Variants in ZNF385D observed in about 807,000 individuals in gnomAD.
ZNF385D encodes zinc finger protein 659.
In ZNF385D, 15 loss-of-function variants were observed where a neutral mutation model predicts 35.8. The observed-to-expected ratio is 0.42, with a 90% CI of 0.28 to 0.64. The LOEUF is 0.64. Among genes scored for constraint, ZNF385D ranks in the 30% least tolerant of loss-of-function variants. The pLI is 0.23. For missense variants in ZNF385D, 474 were observed against 494.6 expected, an observed-to-expected ratio of 0.96 and a Z score of 0.39; for synonymous variants, 212 against 186.8, an observed-to-expected ratio of 1.13 and a Z score of -1.10.
chr3:22,365,370 A>G (rs745605209), intron 2 of ZNF385D, among the ~76,000 whole-genome samples: 4 of 152,230 alleles, frequency 2.6e-5, no homozygotes, highest in Admixed American at 6.5e-5. Context: ...AAGAATTCTA[A>G]AAAATGGTTC....
At chr3:21,993,472 G>C (rs1325645713) in intron 3 of ZNF385D, among the ~76,000 whole-genome samples, 1 of 152,082 alleles carries the variant, frequency 6.6e-6, no homozygotes, top group African/African-American at 2.4e-5. Flanking sequence ...GTAGTGAAAA[G>C]TCTCATAAGC....
intron 2 of ZNF385D, among the ~76,000 whole-genome samples, chr3:22,329,096 A>AAG (rs1338405429): frequency 6.6e-6 from 1 of 151,438 alleles, no homozygotes; most frequent in African/African-American, 2.4e-5. Flanking sequence ...AAAAAAAAAA[A>AAG]AGAGTTTATT....
chr3:21,456,447 G>A (rs1415230329), intron 4 of ZNF385D, among the ~76,000 whole-genome samples: 2 of 152,146 alleles, frequency 1.3e-5, no homozygotes, highest in Non-Finnish European at 2.9e-5. Flanking sequence ...GGACATGGAT[G>A]AAGCTGGAAA....
intron 2 of ZNF385D, among the ~76,000 whole-genome samples, chr3:22,273,222 T>C (rs899480127): frequency 2.0e-5 from 3 of 152,004 alleles, no homozygotes; most frequent in African/African-American, 7.2e-5. Context: ...AAAAGCAAAT[T>C]TGTGTTTGGT....
chr3:22,265,706 A>G (rs372554153), intron 2 of ZNF385D, among the ~76,000 whole-genome samples: 4 of 151,950 alleles, frequency 2.6e-5, no homozygotes, highest in Non-Finnish European at 4.4e-5. Flanking sequence ...ACTGGCTTGA[A>G]TATCAACCTT....
rs536601871 is a variant in ZNF385D at position 21,569,402 on chromosome 3, T to G, written c.166-4718A>C. ...ATTGCAACCCCTGCCTTTTTTTGTT[T>G]TCCATTTGCTTGGTAGATCTTCCTC... is the stretch of plus-strand genomic sequence containing the variant. On this transcript the variant is annotated intron_variant, in intron 2 of 7. Transcript: ENST00000281523. Among the ~76,000 whole-genome samples, 1,066 of 150,728 alleles carry G rather than the reference T, an allele frequency of 7.1e-3. 6 individuals carry two copies. Among genetic ancestry groups the G allele is most frequent in the Middle Eastern group, 0.014 (4 of 294 alleles).
At chr3:22,126,347 G>A (rs1703431748) in intron 3 of ZNF385D, among the ~76,000 whole-genome samples, 1 of 138,146 alleles carries the variant, frequency 7.2e-6, no homozygotes, top group Non-Finnish European at 1.5e-5. Flanking sequence ...TTTGGTGTAG[G>A]CACTTGTTGC....
intron 3 of ZNF385D, among the ~76,000 whole-genome samples, chr3:21,930,688 T>C (rs1181701354): frequency 6.6e-6 from 1 of 152,154 alleles, no homozygotes; most frequent in Non-Finnish European, 1.5e-5. Context: ...GGTCAACTGA[T>C]TTTTGACAAT....
chr3:21,863,676 G>T (rs1697179433), intron 3 of ZNF385D, among the ~76,000 whole-genome samples: 1 of 152,134 alleles, frequency 6.6e-6, no homozygotes, highest in South Asian at 2.1e-4. Flanking sequence ...TTATTCTGCA[G>T]TGATATAATT....
intron 1 of ZNF385D, among the ~76,000 whole-genome samples, chr3:21,698,690 G>A (rs1408520449): frequency 5.3e-5 from 8 of 151,822 alleles, no homozygotes; most frequent in African/African-American, 1.5e-4. Context: ...GATATGAACT[G>A]ACACTTCTCA....
chr3:21,847,699 T>G (rs897232257), intron 3 of ZNF385D, among the ~76,000 whole-genome samples: 1 of 152,052 alleles, frequency 6.6e-6, no homozygotes, highest in Non-Finnish European at 1.5e-5. Flanking sequence ...TTTTGGTAAG[T>G]AGAATCATGA....
intron 2 of ZNF385D, among the ~76,000 whole-genome samples, chr3:22,248,294 C>T (rs1215358375): frequency 6.6e-6 from 1 of 152,106 alleles, no homozygotes; most frequent in Non-Finnish European, 1.5e-5. Flanking sequence ...TGGGAGGAAA[C>T]CTTAAATTTT....
intron 1 of ZNF385D, among the ~76,000 whole-genome samples, chr3:21,693,882 C>CTTTT (rs555946193): frequency 1.7e-5 from 2 of 118,372 alleles, no homozygotes; most frequent in African/African-American, 3.1e-5. Context: ...CTTTTTTTTT[C>CTTTT]TTTTTTTTTT....
At chr3:22,222,999 C>G (rs1440145957) in intron 2 of ZNF385D, among the ~76,000 whole-genome samples, 1 of 152,078 alleles carries the variant, frequency 6.6e-6, no homozygotes, top group East Asian at 1.9e-4. Flanking sequence ...TCCAACCATC[C>G]TTTTTCCAAA....
At chr3:21,471,291 TCTCTCACACACA>T (rs1190661494) in intron 4 of ZNF385D, among the ~76,000 whole-genome samples, 12 of 22,388 alleles carry the variant, frequency 5.4e-4, no homozygotes, top group African/African-American at 1.5e-3. Flanking sequence ...TCTCTCTCTC[TCTCTCACACACA>T]CACACACACA....
chr3:21,770,107 C>T (rs924825559), intron 3 of ZNF385D, among the ~76,000 whole-genome samples: 2 of 151,980 alleles, frequency 1.3e-5, no homozygotes, highest in African/African-American at 2.4e-5. Context: ...TAAAGACTTA[C>T]ATGTTAGACC....
chr3:21,832,924 G>T (rs898677569), intron 3 of ZNF385D, among the ~76,000 whole-genome samples: 1 of 152,086 alleles, frequency 6.6e-6, no homozygotes, highest in African/African-American at 2.4e-5. Flanking sequence ...TATACTTGTG[G>T]TCAAAAACTT....
chr3:21,789,563 T>G (rs562953774), intron 3 of ZNF385D, among the ~76,000 whole-genome samples: 1 of 152,292 alleles, frequency 6.6e-6, no homozygotes, highest in South Asian at 2.1e-4. Context: ...TACAGATTAA[T>G]AAAAAGCAAA....
intron 2 of ZNF385D, among the ~76,000 whole-genome samples, chr3:22,285,465 G>A (rs1252805435): frequency 6.6e-5 from 10 of 152,094 alleles, no homozygotes; most frequent in Admixed American, 5.9e-4. Context: ...TTTCTCTACT[G>A]AAAAATGTAA....
Sources: gnomAD v4.1 joint callset for allele counts (sites outside exome capture counted in the v4.1 genomes callset) on GRCh38, gnomAD v4.1.1 for gene constraint, MANE v1.5 for transcripts, NCBI Gene and HGNC (gene_info 2026-07-23, HGNC 2026-07-21) for gene names.